Variants in ZNF469 observed in about 807,000 individuals in gnomAD.
The protein encoded by ZNF469 is zinc finger protein 469.
ZNF469 carries 1 observed loss-of-function variant against 1.0 expected under a neutral mutation model. The ratio of observed to expected loss-of-function variants is 1.00; its 90% CI spans 0.35 to 4.73. ZNF469 has a LOEUF of 4.73. Among genes scored for constraint, ZNF469 ranks in the 30% most tolerant of loss-of-function variants. ZNF469 has a pLI of 0.16. For missense variants in ZNF469, 6,100 were observed against 5,356.3 expected, an observed-to-expected ratio of 1.14 and a Z score of -4.33; for synonymous variants, 2,703 against 2,363.4, an observed-to-expected ratio of 1.14 and a Z score of -4.17.
chr16:88,412,785 G>A (rs975381612), intron 1 of ZNF469, among the ~76,000 whole-genome samples: 12 of 152,200 alleles, frequency 7.9e-5, no homozygotes, highest in Admixed American at 1.3e-4. Context: ...AAACCATGCC[G>A]ACGGCTTCGG....
chr16:88,292,456 C>G, the ZNF469 span, among the ~76,000 whole-genome samples: 1 of 152,184 alleles, frequency 6.6e-6, no homozygotes, highest in Non-Finnish European at 1.5e-5. Flanking sequence ...ATAAACCCAC[C>G]TCACCAGGGC....
At chr16:88,326,134 A>G in the ZNF469 span, among the ~76,000 whole-genome samples, 88 of 152,296 alleles carry the variant, frequency 5.8e-4, 1 homozygote, top group East Asian at 0.011. Context: ...CTGTGTCCCC[A>G]CCCAAATCTC....
At chr16:88,402,134 G>A (rs945129682) in intron 1 of ZNF469, among the ~76,000 whole-genome samples, 2 of 149,878 alleles carry the variant, frequency 1.3e-5, no homozygotes, top group Non-Finnish European at 3.0e-5. Context: ...TAGATGGATG[G>A]GTGAATGCAT....
chr16:88,137,526 C>T, the ZNF469 span, among the ~76,000 whole-genome samples: 5 of 152,246 alleles, frequency 3.3e-5, no homozygotes, highest in Admixed American at 3.3e-4. Context: ...CACATGCATG[C>T]AACCACATGT....
chr16:88,120,212 CT>C, the ZNF469 span, among the ~76,000 whole-genome samples: 1 of 152,218 alleles, frequency 6.6e-6, no homozygotes, highest in African/African-American at 2.4e-5. Flanking sequence ...GGAGAGCAAT[CT>C]TCAGGGGCAG....
At position 88,432,193 on chromosome 16, in the gene ZNF469, C is replaced by T; in HGVS notation, c.4723C>T (p.Leu1575=). 1 of 1,550,322 alleles carries T rather than the reference C, an allele frequency of 6.5e-7. No homozygotes were observed. Among genetic ancestry groups the T allele is most frequent in the Non-Finnish European group, 8.7e-7 (1 of 1,146,998 alleles). ...QKLVTELESQ[L]QRSKDTRGAP... is the part of the protein sequence containing the mutation. The stretch of plus-strand genomic sequence containing the variant: ...ATTGGTCACCGAATTAGAAAGTCAG[C>T]TGCAAAGGAGCAAAGACACACGTGG... Residue 1575 remains leucine (L), a synonymous_variant, in exon 3 of 3, where the codon CTG becomes TTG. Coordinates refer to ENST00000565624, the MANE Select transcript of ZNF469 (RefSeq NM_001367624.2).
chr16:88,430,334 G>T lies in ZNF469; in HGVS notation c.2864G>T (p.Arg955Leu). The T allele has an allele frequency of 6.6e-7, 1 of 1,514,606 alleles. No individual in the cohort carries two copies. The highest frequency in any genetic ancestry group is 8.8e-7 in the Non-Finnish European group (1 of 1,135,526). The allele number at this position is 1,514,606 out of a possible 1,614,324, so 93.8% of individuals were successfully genotyped here. ...QRRGKQLKLF[R>L]KDLDSGGAAE... ...AGGGGGAAGCAGTTGAAGCTGTTCCGGAAGGATCTGGACTCGGGCGGCGCA... is the reference window on the plus strand; with the variant it reads ...AGGGGGAAGCAGTTGAAGCTGTTCCTGAAGGATCTGGACTCGGGCGGCGCA... The change falls in exon 3 of 3, where the codon CGG (arginine) becomes CTG (leucine). Residue 955 changes from arginine to leucine, a missense_variant. By Grantham distance (102) the Arg-to-Leu change is moderately radical. Coordinates refer to ENST00000565624, the MANE Select transcript of ZNF469 (RefSeq NM_001367624.2).
chr16:88,433,268 C>A lies in ZNF469; in HGVS notation c.5798C>A (p.Pro1933Gln), dbSNP rs914107386. ...QELTPAAQSP[P>Q]RVNPSGLEGG... is the part of the protein sequence containing the mutation. ...CTGACACCTGCTGCCCAGAGCCCTC[C>A]ACGAGTGAACCCCTCAGGTCTGGAA... Residue 1933 changes from proline (P) to glutamine (Q), a missense_variant, in exon 3 of 3, where the codon CCA (proline) becomes CAA (glutamine). Physicochemically the swap from Pro to Gln is moderately conservative, Grantham distance 76. Coordinates refer to ENST00000565624, the MANE Select transcript of ZNF469 (RefSeq NM_001367624.2). The A allele has an allele frequency of 4.5e-6, 7 of 1,550,234 alleles. No homozygotes were observed. In the South Asian group the frequency reaches 8.3e-5, roughly 18 times the overall value.
chr16:88,409,766 G>T (rs1217702050), intron 1 of ZNF469, among the ~76,000 whole-genome samples: 1 of 151,566 alleles, frequency 6.6e-6, no homozygotes, highest in Non-Finnish European at 1.5e-5. Context: ...CACACATGCG[G>T]GCAGGGCATC....
chr16:88,166,772 A>AACACACACACACACACACACACAC, the ZNF469 span, among the ~76,000 whole-genome samples: 102 of 145,876 alleles, frequency 7.0e-4, no homozygotes, highest in African/African-American at 2.5e-3. The surrounding 1 kb of genome is among the most constrained non-coding windows in gnomAD (Gnocchi z 4.5). Flanking sequence ...CAGAATCATA[A>AACACACACACACACACACACACAC]ACACACACAC....
chr16:88,192,096 C>T, the ZNF469 span: 14 of 152,156 alleles, frequency 9.2e-5, no homozygotes, highest in Admixed American at 6.5e-4. Flanking sequence ...GGGAAGCCAC[C>T]TGGAAGTCAG....
chr16:88,407,818 C>T (rs1354095185), intron 1 of ZNF469, among the ~76,000 whole-genome samples: 1 of 152,252 alleles, frequency 6.6e-6, no homozygotes, highest in Non-Finnish European at 1.5e-5. Context: ...CCTGTGGAGC[C>T]CTGCTGGTGC....
In ZNF469 at chr16:88,439,795, A is replaced by G. The variant is rs1906872664; in HGVS notation, c.*463A>G. The G allele has an allele frequency of 4.3e-6, 1 of 231,868 alleles. No individual in the cohort carries two copies. Among genetic ancestry groups the G allele is most frequent in the African/African-American group, 2.3e-5 (1 of 43,186 alleles). 14.4% of individuals were successfully genotyped at this position (231,868 alleles called of 1,614,324 possible). On this transcript the variant is annotated 3_prime_UTR_variant, in exon 3 of 3. Coordinates refer to ENST00000565624, the MANE Select transcript of ZNF469 (RefSeq NM_001367624.2). ...CTGCTGTTGCTGGAATTCCAAAGTG[A>G]CCTTAGAAACCACGTGGGGGAAGGC...
the ZNF469 span, among the ~76,000 whole-genome samples, chr16:88,296,947 G>A: frequency 6.6e-6 from 1 of 152,226 alleles, no homozygotes; most frequent in Non-Finnish European, 1.5e-5. Context: ...TTTCGGTGCA[G>A]GCTGGATCAG....
At chr16:88,258,396 C>G in the ZNF469 span, among the ~76,000 whole-genome samples, 4 of 152,014 alleles carry the variant, frequency 2.6e-5, no homozygotes, top group African/African-American at 9.7e-5. Context: ...CACAGCTCAG[C>G]AGAGCTGAAT....
At position 88,432,564 on chromosome 16, in the gene ZNF469, G is replaced by A. The variant is rs1906274883; in HGVS notation, c.5094G>A (p.Gln1698=). The change falls in exon 3 of 3, where the codon CAG becomes CAA. Residue 1698 remains glutamine, a synonymous_variant. Coordinates refer to ENST00000565624, the MANE Select transcript of ZNF469 (RefSeq NM_001367624.2). ...RGANFHFQPV[Q]KAGASKTGLC... ...CCAACTTCCATTTTCAGCCAGTGCA[G>A]AAAGCCGGAGCCTCCAAGACTGGAC... is the stretch of plus-strand genomic sequence containing the variant. 1 of 1,550,312 alleles carries A rather than the reference G, an allele frequency of 6.5e-7. No homozygotes were observed. The highest frequency in any genetic ancestry group is 1.2e-5 in the South Asian group (1 of 84,070).
the ZNF469 span, among the ~76,000 whole-genome samples, chr16:88,186,148 C>T: frequency 2.6e-5 from 4 of 152,308 alleles, no homozygotes; most frequent in Non-Finnish European, 4.4e-5. Context: ...GGAGTGTATT[C>T]GACTGCGGGG....
the ZNF469 span, among the ~76,000 whole-genome samples, chr16:88,273,897 C>T: frequency 2.6e-5 from 4 of 151,996 alleles, no homozygotes; most frequent in East Asian, 1.9e-4. Context: ...CTCCGCCTCC[C>T]GGGTTCACGC....
the ZNF469 span, among the ~76,000 whole-genome samples, chr16:88,261,033 G>A: frequency 5.9e-5 from 9 of 152,192 alleles, no homozygotes; most frequent in Non-Finnish European, 8.8e-5. The surrounding 1 kb of genome is among the most constrained non-coding windows in gnomAD (Gnocchi z 6.0). Context: ...CCGGGCCAGC[G>A]TCTGGGGGTC....
Sources: gnomAD v4.1 joint callset for allele counts (sites outside exome capture counted in the v4.1 genomes callset) on GRCh38, gnomAD v4.1.1 for gene constraint, Gnocchi (gnomAD v3.1) non-coding constraint, MANE v1.5 for transcripts, NCBI Gene and HGNC (gene_info 2026-07-23, HGNC 2026-07-21) for gene names.